ZC3H13: variants seen among roughly 807,000 people sequenced by gnomAD.
ZC3H13 encodes the protein zinc finger CCCH domain-containing protein 13.
In ZC3H13, 64 loss-of-function variants were observed where a neutral mutation model predicts 204.1. That is an observed-to-expected ratio of 0.31 (90% CI 0.26 to 0.39). ZC3H13 has a LOEUF of 0.39. Among genes scored for constraint, ZC3H13 ranks in the 10% least tolerant of loss-of-function variants. ZC3H13 has a pLI of 1.00. For synonymous variants in ZC3H13, 667 were observed against 693.7 expected (o/e 0.96, Z 0.60); for missense variants, 1,833 against 2,082.7 (o/e 0.88, Z 2.33).
chr13:46,013,158 G>GT (rs2041680828), intron 5 of ZC3H13, among the ~76,000 whole-genome samples: 1 of 152,216 alleles, frequency 6.6e-6, no homozygotes, highest in African/African-American at 2.4e-5. Context: ...GCTCACGCCT[G>GT]TAAGCTCAGC....
intron 5 of ZC3H13, 98 bp downstream of exon 5, chr13:46,020,351 G>T (rs149479330): frequency 1.2e-6 from 1 of 848,406 alleles, no homozygotes; most frequent in East Asian, 2.7e-5. Flanking sequence ...ATTCTGAAAC[G>T]AGAGGGATCA....
intron 8 of ZC3H13, among the ~76,000 whole-genome samples, chr13:45,996,685 C>T (rs1352674943): frequency 2.0e-5 from 3 of 149,258 alleles, no homozygotes; most frequent in South Asian, 2.1e-4. Flanking sequence ...TCGAGTAACC[C>T]TTATTTTACT....
At chr13:45,996,844 A>G (rs893653835) in intron 8 of ZC3H13, among the ~76,000 whole-genome samples, 1 of 152,206 alleles carries the variant, frequency 6.6e-6, no homozygotes, top group Non-Finnish European at 1.5e-5. Context: ...AAAATCTACA[A>G]TAAGAAGGAA....
At chr13:45,976,061 T>C in intron 11 of ZC3H13, 1 of 843,556 alleles carries the variant, frequency 1.2e-6, no homozygotes, top group Non-Finnish European at 1.4e-6. Context: ...CCATGTTTCC[T>C]GCTCCCCGTC....
chr13:45,991,836 A>C (rs1566227810), intron 8 of ZC3H13, among the ~76,000 whole-genome samples: 1 of 152,162 alleles, frequency 6.6e-6, no homozygotes, highest in Non-Finnish European at 1.5e-5. Context: ...TATAATTAGG[A>C]TATGATGTGG....
intron 4 of ZC3H13, among the ~76,000 whole-genome samples, chr13:46,037,652 T>C (rs2043295102): frequency 1.1e-5 from 1 of 88,430 alleles, no homozygotes; most frequent in Non-Finnish European, 2.2e-5. Flanking sequence ...GCCTCTCACT[T>C]TTCAGTTCCA....
intron 7 of ZC3H13, among the ~76,000 whole-genome samples, chr13:46,008,902 T>C (rs1224990692): frequency 2.0e-5 from 3 of 152,106 alleles, no homozygotes; most frequent in Non-Finnish European, 4.4e-5. Flanking sequence ...AGGGAGAGGA[T>C]CAACTCAACT....
chr13:45,957,297 C>T lies in ZC3H13; in HGVS notation c.4840G>A (p.Gly1614Ser). Reference sequence around the variant, plus strand: ...CTCGTGTAAGCTTGTTTTATGGTGCCCTATTTGAAGAAAACAAAAACAAAC... The same window carrying T: ...CTCGTGTAAGCTTGTTTTATGGTGCTCTATTTGAAGAAAACAAAAACAAAC... ...IRKQLVKNEK[G>S]TIKQAYTSAP... Residue 1614 changes from glycine (G) to serine (S), a missense_variant and splice_region_variant, in exon 19 of 19, where the codon GGC (glycine) becomes AGC (serine). Coordinates refer to ENST00000679008, the MANE Select transcript of ZC3H13 (RefSeq NM_001330564.2). 1 of 1,483,170 alleles carries T rather than the reference C, an allele frequency of 6.7e-7. No individual in the cohort carries two copies. The highest frequency in any genetic ancestry group is 9.0e-7 in the Non-Finnish European group (1 of 1,107,838). The allele number at this position is 1,483,170 out of a possible 1,614,324, so 91.9% of individuals were successfully genotyped here. A position where few individuals can be genotyped will look rare whatever the true frequency, so the allele number is the denominator to read the frequency against.
chr13:45,994,651 C>G (rs2040204665), intron 8 of ZC3H13, among the ~76,000 whole-genome samples: 1 of 152,122 alleles, frequency 6.6e-6, no homozygotes, highest in African/African-American at 2.4e-5. Context: ...TTTAAGCTCC[C>G]AGAGTAAGAG....
intron 4 of ZC3H13, among the ~76,000 whole-genome samples, chr13:46,039,717 T>C (rs2043445552): frequency 6.6e-6 from 1 of 152,190 alleles, no homozygotes; most frequent in South Asian, 2.1e-4. Flanking sequence ...AAAACAAAGA[T>C]AATAAGTACT....
intron 10 of ZC3H13, among the ~76,000 whole-genome samples, chr13:45,983,401 T>TATATATATATATATATATATATATATATA (rs1953842302): frequency 8.5e-5 from 3 of 35,490 alleles, no homozygotes; most frequent in Non-Finnish European, 1.3e-4. Context: ...CCCCTTCTAC[T>TATATATATATATATATATATATATATATA]TATATATATA....
At chr13:45,996,228 C>T (rs558886634) in intron 8 of ZC3H13, among the ~76,000 whole-genome samples, 65 of 152,280 alleles carry the variant, frequency 4.3e-4, no homozygotes, top group Admixed American at 2.0e-4. Context: ...GCAAGTATTA[C>T]ATCTACCAAA....
chr13:46,000,207 G>T (rs905295975), intron 8 of ZC3H13, among the ~76,000 whole-genome samples: 1 of 152,180 alleles, frequency 6.6e-6, no homozygotes, highest in Non-Finnish European at 1.5e-5. Flanking sequence ...GAGTCAGCCT[G>T]TTCTTCGGAG....
chr13:45,962,500 C>T, intron 17 of ZC3H13: 3 of 983,708 alleles, frequency 3.0e-6, no homozygotes, highest in Non-Finnish European at 3.6e-6. Flanking sequence ...GAGTTATTTG[C>T]TTAAGGTCAC....
At chr13:45,987,827 T>G (rs1447157599) in intron 9 of ZC3H13, among the ~76,000 whole-genome samples, 1 of 152,152 alleles carries the variant, frequency 6.6e-6, no homozygotes, top group African/African-American at 2.4e-5. Flanking sequence ...AACAGACTTA[T>G]TAAGTTGAAT....
intron 8 of ZC3H13, among the ~76,000 whole-genome samples, chr13:46,002,687 T>A (rs1411044203): frequency 6.6e-6 from 1 of 152,172 alleles, no homozygotes; most frequent in Non-Finnish European, 1.5e-5. Context: ...AAACACTGTA[T>A]GATTCCACTT....
intron 15 of ZC3H13, among the ~76,000 whole-genome samples, chr13:45,966,937 A>T (rs1566152495): frequency 6.6e-6 from 1 of 152,214 alleles, no homozygotes; most frequent in Non-Finnish European, 1.5e-5. Flanking sequence ...TGAAGGGTAA[A>T]GAACAGAAGC....
At chr13:46,005,602 G>A (rs1308160089) in intron 7 of ZC3H13, among the ~76,000 whole-genome samples, 2 of 152,012 alleles carry the variant, frequency 1.3e-5, no homozygotes, top group Admixed American at 1.3e-4. Context: ...TGATCCCCAT[G>A]CCTCAGCCCT....
chr13:46,020,112 T>C (rs1036975540), intron 5 of ZC3H13, among the ~76,000 whole-genome samples: 1 of 152,196 alleles, frequency 6.6e-6, no homozygotes, highest in Non-Finnish European at 1.5e-5. Flanking sequence ...TAATATTTTA[T>C]GTAAAACAAA....
Sources: allele counts gnomAD v4.1 joint callset (sites outside exome capture counted in the v4.1 genomes callset), GRCh38; gene constraint gnomAD v4.1.1; transcripts MANE v1.5; gene names NCBI Gene and HGNC (gene_info 2026-07-23, HGNC 2026-07-21).